ARHGAP12: variants seen among roughly 807,000 people sequenced by gnomAD.
The protein encoded by ARHGAP12 is rho GTPase-activating protein 12.
A neutral mutation model predicts 108.6 loss-of-function variants in ARHGAP12; 64 were observed. The ratio of observed to expected loss-of-function variants is 0.59; its 90% CI spans 0.48 to 0.73. ARHGAP12 has a LOEUF of 0.73. Ranked by LOEUF, ARHGAP12 falls within the 30% of genes least tolerant of loss-of-function variation. The pLI, the probability that ARHGAP12 is intolerant of heterozygous loss-of-function variation, is 0.00. For synonymous variants in ARHGAP12, 312 were observed against 337.2 expected (o/e 0.93, Z 0.82); for missense variants, 940 against 1,005.9 (o/e 0.93, Z 0.89).
Position 31,908,266 on chromosome 10 carries a change from T to G in ARHGAP12, c.590A>C (p.Gln197Pro). 6.2e-7 allele frequency: 1 copy of G among 1,614,070 alleles called. No individual in the cohort carries two copies. Among genetic ancestry groups the G allele is most frequent in the Admixed American group, 1.7e-5 (1 of 60,026 alleles). ...DVEKTSFSQE[Q>P]SCDSAGEGSE... The stretch of plus-strand genomic sequence containing the variant: ...GCCTTCTCCTGCGGAATCACAAGAT[T>G]GTTCCTGGGAGAAGCTAGTTTTCTC... The change falls in exon 3 of 20, where the codon CAA becomes CCA. Residue 197 changes from glutamine to proline, a missense_variant. By Grantham distance (76) the Gln-to-Pro change is moderately conservative. Transcript: ENST00000344936.
chr10:31,831,534 TCTTAA>T (rs1438883539), intron 10 of ARHGAP12, among the ~76,000 whole-genome samples, 200 bp downstream of exon 10: 2 of 152,242 alleles, frequency 1.3e-5, no homozygotes, highest in African/African-American at 2.4e-5. Flanking sequence ...CCTCATTACC[TCTTAA>T]CTTAATATTA....
At chr10:31,894,509 G>C (rs1021831746) in intron 3 of ARHGAP12, among the ~76,000 whole-genome samples, 4 of 152,086 alleles carry the variant, frequency 2.6e-5, no homozygotes, top group African/African-American at 9.7e-5. Flanking sequence ...TTGCTTCAAA[G>C]AAAATAAAAT....
chr10:31,908,395 TG>T lies in ARHGAP12; in HGVS notation c.460del (p.His154IlefsTer35). 3 of 1,614,216 alleles carry T rather than the reference TG, an allele frequency of 1.9e-6. No individual in the cohort carries two copies. The highest frequency in any genetic ancestry group is 2.5e-6 in the Non-Finnish European group (3 of 1,180,034). On this transcript the variant is annotated frameshift_variant, in exon 3 of 20. Transcript: ENST00000344936. LOFTEE classifies it high-confidence loss of function. ...QTVNLSLDLT[H>X]NNGKFNNDSH... Reference sequence around the variant, plus strand: ...GTCATTGTTAAACTTTCCGTTATTATGGGTCAGGTCCAGGCTTAGGTTGACA... The same window carrying T: ...GTCATTGTTAAACTTTCCGTTATTATGGTCAGGTCCAGGCTTAGGTTGACA...
chr10:31,856,316 AC>A (rs1274822878), intron 4 of ARHGAP12, among the ~76,000 whole-genome samples: 1 of 152,098 alleles, frequency 6.6e-6, no homozygotes, highest in Non-Finnish European at 1.5e-5. Flanking sequence ...CAGACCCCAA[AC>A]TAAAATGTTA....
intron 3 of ARHGAP12, among the ~76,000 whole-genome samples, chr10:31,863,993 T>G (rs1341272241): frequency 6.6e-6 from 1 of 152,120 alleles, no homozygotes; most frequent in Non-Finnish European, 1.5e-5. Flanking sequence ...TAACATAATT[T>G]TGAAACAAGA....
chr10:31,891,421 T>C (rs942748739), intron 3 of ARHGAP12, among the ~76,000 whole-genome samples: 1 of 152,248 alleles, frequency 6.6e-6, no homozygotes, highest in East Asian at 1.9e-4. Context: ...CACTCTCTTC[T>C]GGCTTGCAGA....
intron 9 of ARHGAP12, 141 bp downstream of exon 9, chr10:31,839,164 T>G (rs753209676): frequency 3.1e-5 from 25 of 805,136 alleles, no homozygotes; most frequent in Non-Finnish European, 4.2e-5. Flanking sequence ...AGAAGTCACA[T>G]GGAGGTTTTC....
chr10:31,912,974 T>C (rs901556934), intron 1 of ARHGAP12, among the ~76,000 whole-genome samples: 1 of 152,210 alleles, frequency 6.6e-6, no homozygotes, highest in Non-Finnish European at 1.5e-5. Context: ...ATATAGGTCA[T>C]CTCTTCATTC....
At chr10:31,832,984 A>G (rs895391589) in intron 9 of ARHGAP12, among the ~76,000 whole-genome samples, 2 of 151,978 alleles carry the variant, frequency 1.3e-5, no homozygotes, top group African/African-American at 4.8e-5. Flanking sequence ...CAAGTTTGAT[A>G]TTTTTCGTAA....
rs760826418 is a variant in ARHGAP12 at position 31,826,424 on chromosome 10, G to T, written c.1449-39C>A. 5 of 1,556,120 alleles carry T rather than the reference G, an allele frequency of 3.2e-6. No individual in the cohort carries two copies. In the South Asian group the frequency reaches 5.9e-5, roughly 18 times the overall value. On this transcript the variant is annotated intron_variant, in intron 10 of 19. Coordinates refer to ENST00000344936, the MANE Select transcript of ARHGAP12 (RefSeq NM_018287.7). Reference sequence around the variant, plus strand: ...GATGACCGATTAAAGCTCCAATCTCGAGTTCTTTCAGCCAAATTCAAAAAA... The same window carrying T: ...GATGACCGATTAAAGCTCCAATCTCTAGTTCTTTCAGCCAAATTCAAAAAA...
chr10:31,817,193 C>T (rs529799550), intron 13 of ARHGAP12, among the ~76,000 whole-genome samples: 3 of 151,492 alleles, frequency 2.0e-5, no homozygotes, highest in Admixed American at 1.3e-4. Flanking sequence ...TGGGTGATGG[C>T]GAGACTCTGT....
rs1391104888 is a variant in ARHGAP12, at chr10:31,861,557, G to A, written c.786C>T (p.Ser262=). 1.9e-6 allele frequency: 3 copies of A among 1,614,018 alleles called. No homozygotes were observed. Among genetic ancestry groups the A allele is most frequent in the African/African-American group, 1.3e-5 (1 of 74,898 alleles). The part of the protein sequence containing the change: ...SQSALPPLPG[S]PAIQINGEWE... ...ATTCTCCATTAATCTGAATTGCCGG[G>A]CTCCCAGGAAGTGGGGGAAGAGCAG... Residue 262 remains serine (S), a synonymous_variant, in exon 4 of 20, where the codon AGC becomes AGT. Coordinates refer to ENST00000344936, the MANE Select transcript of ARHGAP12 (RefSeq NM_018287.7).
In ARHGAP12 at chr10:31,806,559, A is replaced by C. The variant is rs1370952061; in HGVS notation, c.*1099T>G. 4 of 152,600 alleles carry C rather than the reference A, an allele frequency of 2.6e-5. No individual in the cohort carries two copies. The highest frequency in any genetic ancestry group is 6.3e-3 in the Middle Eastern group (2 of 316). The allele number at this position is 152,600 out of a possible 1,614,324, so 9.5% of individuals were successfully genotyped here. A position where few individuals can be genotyped will look rare whatever the true frequency, so the allele number is the denominator to read the frequency against. On this transcript the variant is annotated 3_prime_UTR_variant, in exon 20 of 20. Coordinates refer to ENST00000344936, the MANE Select transcript of ARHGAP12 (RefSeq NM_018287.7). Reference sequence around the variant, plus strand: ...CATACTGGAATTAGAATTCTGTAATAAATTTTTTCTAATGTTTTCTGTACA... The same window carrying C: ...CATACTGGAATTAGAATTCTGTAATCAATTTTTTCTAATGTTTTCTGTACA...
intron 3 of ARHGAP12, among the ~76,000 whole-genome samples, chr10:31,895,380 A>T (rs1262566851): frequency 6.6e-6 from 1 of 152,248 alleles, no homozygotes. Flanking sequence ...CAGAATCTAC[A>T]AAGAACTTAA....
intron 3 of ARHGAP12, among the ~76,000 whole-genome samples, chr10:31,879,815 T>C (rs909803856): frequency 1.1e-4 from 17 of 152,356 alleles, no homozygotes; most frequent in South Asian, 4.1e-4. Flanking sequence ...TAGAATCCTA[T>C]TGGGATATCC....
chr10:31,896,884 AC>A (rs1838721976), intron 3 of ARHGAP12, among the ~76,000 whole-genome samples: 1 of 152,116 alleles, frequency 6.6e-6, no homozygotes, highest in African/African-American at 2.4e-5. Context: ...TCAAACCACT[AC>A]CCCAAAATTT....
chr10:31,898,743 T>C (rs555864767), intron 3 of ARHGAP12, among the ~76,000 whole-genome samples: 2 of 152,298 alleles, frequency 1.3e-5, no homozygotes, highest in East Asian at 3.9e-4. Context: ...TACAGGTTTG[T>C]AGCCTAGGAG....
intron 1 of ARHGAP12, among the ~76,000 whole-genome samples, chr10:31,918,079 C>T (rs11008688): frequency 2.6e-3 from 403 of 152,088 alleles, no homozygotes; most frequent in African/African-American, 9.0e-3. Context: ...TCTCAGCCTC[C>T]TGAGTAGCTA....
intron 3 of ARHGAP12, among the ~76,000 whole-genome samples, chr10:31,868,706 C>A (rs116390097): frequency 1.3e-5 from 2 of 151,742 alleles, no homozygotes; most frequent in African/African-American, 2.4e-5. Flanking sequence ...GAGGTTGAGG[C>A]GGGAAGATCA....
Sources: gnomAD v4.1 joint callset for allele counts (sites outside exome capture counted in the v4.1 genomes callset) on GRCh38, gnomAD v4.1.1 for gene constraint, MANE v1.5 for transcripts, NCBI Gene and HGNC (gene_info 2026-07-23, HGNC 2026-07-21) for gene names.